Variants in DPP6 observed in about 807,000 individuals in gnomAD.
The protein encoded by DPP6 is A-type potassium channel modulatory protein DPP6.
In DPP6, 69 loss-of-function variants were observed where a neutral mutation model predicts 122.6. The observed-to-expected ratio is 0.56, with a 90% CI of 0.46 to 0.69. DPP6 has a LOEUF of 0.69. DPP6 is among the 30% of genes least tolerant of loss of function. The pLI, the probability that DPP6 is intolerant of heterozygous loss-of-function variation, is 0.00. For missense variants in DPP6, 928 were observed against 1,116.9 expected (o/e 0.83, Z 2.41); for synonymous variants, 418 against 433.1 (o/e 0.97, Z 0.43).
chr7:154,478,006 T>C (rs1418020864), intron 3 of DPP6, among the ~76,000 whole-genome samples: 1 of 152,158 alleles, frequency 6.6e-6, no homozygotes, highest in Non-Finnish European at 1.5e-5. Context: ...CCTTACCTTT[T>C]TTTTTTTATC....
intron 1 of DPP6, among the ~76,000 whole-genome samples, chr7:154,389,129 C>G (rs1330140818): frequency 6.6e-6 from 1 of 152,258 alleles, no homozygotes; most frequent in Non-Finnish European, 1.5e-5. Flanking sequence ...CCTTATGTAT[C>G]TGATTTATGT....
chr7:154,092,190 A>G (rs1205570416), intron 1 of DPP6: 1 of 152,180 alleles, frequency 6.6e-6, no homozygotes, highest in Non-Finnish European at 1.5e-5. Context: ...TACTCAGATG[A>G]CCAATTGTTT....
chr7:154,667,652 A>C (rs1838249399), intron 6 of DPP6, among the ~76,000 whole-genome samples: 1 of 152,120 alleles, frequency 6.6e-6, no homozygotes, highest in Non-Finnish European at 1.5e-5. Context: ...GAACCTAGGA[A>C]GCAGAGGTTG....
At chr7:153,939,155 T>C (rs1801586701) in intron 1 of DPP6, among the ~76,000 whole-genome samples, 1 of 152,222 alleles carries the variant, frequency 6.6e-6, no homozygotes, top group South Asian at 2.1e-4. Flanking sequence ...AGAAGGTGCA[T>C]TAAGATCATC....
At chr7:154,056,035 T>C (rs1159403392) in intron 1 of DPP6, 2 of 152,196 alleles carry the variant, frequency 1.3e-5, no homozygotes, top group Admixed American at 6.5e-5. Flanking sequence ...ATAAAATTTA[T>C]GGTAGTCTAA....
Position 154,153,352 on chromosome 7 carries a change from A to AT in DPP6, c.243+100295dup, listed in dbSNP as rs541515449. ...AGGCATGCACCACCATGCCCAGCTAATTTTTTGTATTTTTAGTAGAGACCG... is the reference window on the plus strand; with the variant it reads ...AGGCATGCACCACCATGCCCAGCTAATTTTTTTGTATTTTTAGTAGAGACCG... On this transcript the variant is annotated intron_variant, in intron 1 of 25. Transcript: ENST00000377770. 6.4e-3 allele frequency among the ~76,000 whole-genome samples: 972 copies of AT among 152,102 alleles called. 7 individuals carry two copies. The highest frequency in any genetic ancestry group is 0.022 in the African/African-American group (916 of 41,508).
chr7:154,413,655 T>C (rs1219396820), intron 1 of DPP6, among the ~76,000 whole-genome samples: 8 of 152,228 alleles, frequency 5.3e-5, no homozygotes, highest in African/African-American at 1.9e-4. Flanking sequence ...CTGTTTGGTA[T>C]TTTTTCATTG....
At chr7:153,882,674 A>G (rs1385053982), upstream of DPP6, among the ~76,000 whole-genome samples, 1 of 152,266 alleles carries the variant, frequency 6.6e-6, no homozygotes, top group African/African-American at 2.4e-5. Flanking sequence ...AGGTGTGGAC[A>G]GAGCCTGCCA....
At chr7:154,484,330 G>A (rs1324875967) in intron 3 of DPP6, among the ~76,000 whole-genome samples, 1 of 152,200 alleles carries the variant, frequency 6.6e-6, no homozygotes, top group African/African-American at 2.4e-5. Flanking sequence ...CACCTGGTGA[G>A]CCACCTAGCT....
chr7:154,239,214 G>C (rs545104823), intron 1 of DPP6, among the ~76,000 whole-genome samples: 7 of 152,314 alleles, frequency 4.6e-5, no homozygotes, highest in Non-Finnish European at 1.0e-4. Context: ...TTCCCGTATG[G>C]AATTGAGGTC....
intron 5 of DPP6, among the ~76,000 whole-genome samples, chr7:154,621,425 G>A (rs1461066817): frequency 1.3e-5 from 2 of 152,200 alleles, no homozygotes; most frequent in African/African-American, 4.8e-5. Context: ...CTAGAGGGCA[G>A]TGGTGCAATC....
rs370528720 is a variant in DPP6 at position 154,320,892 on chromosome 7, C to G, written c.244-125322C>G. ...AAATATTTGCTGAGAACTTTCTGAG[C>G]AAAGGGTACTATTTATTCTATATAA... On this transcript the variant is annotated intron_variant, in intron 1 of 25. Transcript: ENST00000377770. Among the ~76,000 whole-genome samples, 32 of 152,228 alleles carry G rather than the reference C, an allele frequency of 2.1e-4. 1 individual carries two copies. Among genetic ancestry groups the G allele is most frequent in the African/African-American group, 6.3e-4 (26 of 41,550 alleles).
At chr7:154,745,972 A>T (rs1191046674) in intron 8 of DPP6, among the ~76,000 whole-genome samples, 13 of 152,212 alleles carry the variant, frequency 8.5e-5, no homozygotes, top group Admixed American at 8.5e-4. Context: ...ACAGGAAGCC[A>T]GGCCATAGCA....
intron 1 of DPP6, among the ~76,000 whole-genome samples, chr7:154,390,093 G>C (rs1410830370): frequency 1.3e-5 from 2 of 152,202 alleles, no homozygotes; most frequent in African/African-American, 2.4e-5. Flanking sequence ...TATTTTTCCT[G>C]TTTATTCATT....
intron 1 of DPP6, among the ~76,000 whole-genome samples, chr7:154,311,136 G>A (rs564415539): frequency 5.3e-5 from 8 of 152,288 alleles, no homozygotes; most frequent in African/African-American, 1.9e-4. Flanking sequence ...ACAAAATAAA[G>A]TGGTTTTATT....
chr7:154,557,169 C>A (rs1223427890), intron 4 of DPP6, among the ~76,000 whole-genome samples: 1 of 152,158 alleles, frequency 6.6e-6, no homozygotes, highest in Non-Finnish European at 1.5e-5. Flanking sequence ...GCTTATCCAC[C>A]AGATAAGTGG....
intron 1 of DPP6, among the ~76,000 whole-genome samples, chr7:154,218,273 C>A (rs1381241836): frequency 6.6e-6 from 1 of 152,188 alleles, no homozygotes; most frequent in Non-Finnish European, 1.5e-5. Flanking sequence ...ATCCACACAA[C>A]CTCACCCAGC....
At chr7:154,761,244 T>C (rs912404465) in intron 8 of DPP6, among the ~76,000 whole-genome samples, 5 of 152,224 alleles carry the variant, frequency 3.3e-5, no homozygotes, top group Non-Finnish European at 5.9e-5. Flanking sequence ...CTGCACCAAC[T>C]GGGGTGACCA....
intron 1 of DPP6, among the ~76,000 whole-genome samples, chr7:154,343,835 C>T (rs887087763): frequency 6.6e-6 from 1 of 152,192 alleles, no homozygotes; most frequent in African/African-American, 2.4e-5. Context: ...CCCGCCTTGG[C>T]CTCCCACAGT....
Sources: gnomAD v4.1 joint callset for allele counts (sites outside exome capture counted in the v4.1 genomes callset) on GRCh38, gnomAD v4.1.1 for gene constraint, MANE v1.5 for transcripts, NCBI Gene and HGNC (gene_info 2026-07-23, HGNC 2026-07-21) for gene names.